The following STAT3 variants were observed in gnomAD, a reference collection of about 807,000 sequenced individuals.
STAT3 encodes DNA-binding protein APRF.
In STAT3, 7 loss-of-function variants were observed where a neutral mutation model predicts 114.3. The ratio of observed to expected loss-of-function variants is 0.06; its 90% CI spans 0.03 to 0.11. STAT3 has a LOEUF of 0.11. Ranked by LOEUF, STAT3 falls within the 10% of genes least tolerant of loss-of-function variation. STAT3 has a pLI of 1.00. For missense variants in STAT3, 364 were observed against 960.9 expected (o/e 0.38, Z 8.21); for synonymous variants, 331 against 354.5 (o/e 0.93, Z 0.74).
Position 42,358,711 on chromosome 17 carries a change from G to A in STAT3, c.-23-10172C>T, listed in dbSNP as rs1207367244. ...TGGGCCTGGGTGCAAAACCCTGCCT[G>A]ACATTTATTAGCTATTTGTCTTTGG... On this transcript the variant is annotated intron_variant, in intron 1 of 23. Transcript: ENST00000264657. Among the ~76,000 whole-genome samples, 3 of 152,202 alleles carry A rather than the reference G, an allele frequency of 2.0e-5. No homozygotes were observed. In the South Asian group the frequency reaches 6.2e-4, roughly 32 times the overall value.
In STAT3 at chr17:42,337,886, T is replaced by G; in HGVS notation, c.551-29A>C. 6.5e-7 allele frequency: 1 copy of G among 1,532,254 alleles called. No homozygotes were observed. 94.9% of individuals were successfully genotyped at this position (1,532,254 alleles called of 1,614,324 possible). A position where few individuals can be genotyped will look rare whatever the true frequency, so the allele number is the denominator to read the frequency against. ...CGAAGGAAGAAAAAACTCCTTGACC[T>G]GAGGGAATACTCCTTGACCTGAGGG... On this transcript the variant is annotated intron_variant, in intron 6 of 23. Coordinates refer to ENST00000264657, the MANE Select transcript of STAT3 (RefSeq NM_139276.3). This position sits in a 1 kb window ranked among gnomAD's most constrained non-coding sequence, Gnocchi z 4.0.
intron 10 of STAT3, among the ~76,000 whole-genome samples, chr17:42,331,978 AG>A (rs1353519034): frequency 2.0e-5 from 3 of 150,348 alleles, no homozygotes; most frequent in African/African-American, 7.4e-5. Flanking sequence ...CCCAGGCTGG[AG>A]TGCAATGGCG....
intron 8 of STAT3, among the ~76,000 whole-genome samples, chr17:42,335,700 C>T (rs887914140): frequency 3.1e-4 from 47 of 152,004 alleles, no homozygotes; most frequent in Non-Finnish European, 1.2e-4. Context: ...GGTCGATCTA[C>T]TAAAATACAA....
rs2144730644 is a variant in STAT3 at position 42,326,212 on chromosome 17, G to A, written c.1282-13C>T. The A allele has an allele frequency of 6.2e-7, 1 of 1,612,766 alleles. No homozygotes were observed. The highest frequency in any genetic ancestry group is 1.1e-5 in the South Asian group (1 of 91,074). Reference sequence around the variant, plus strand: ...CAATCAGGGAAGCCTACAGTAACGAGAAGGACACTCTTAGGCCAGGTGTGG... The same window carrying A: ...CAATCAGGGAAGCCTACAGTAACGAAAAGGACACTCTTAGGCCAGGTGTGG... On this transcript the variant is annotated splice_polypyrimidine_tract_variant and intron_variant, in intron 14 of 23. Coordinates refer to ENST00000264657, the MANE Select transcript of STAT3 (RefSeq NM_139276.3).
chr17:42,370,251 CT>C (rs34393906), intron 1 of STAT3, among the ~76,000 whole-genome samples: 164 of 138,982 alleles, frequency 1.2e-3, no homozygotes, highest in Middle Eastern at 4.0e-3. Context: ...CACACCCAGC[CT>C]TTTTTTTTTT....
At chr17:42,334,090 T>C (rs759695759) in intron 8 of STAT3, 41 bp from the exon 9 acceptor site, 3 of 1,610,962 alleles carry the variant, frequency 1.9e-6, no homozygotes, top group Non-Finnish European at 2.5e-6. Context: ...CCAAAGTGAA[T>C]GTATACAGGT....
chr17:42,333,213 C>T lies in STAT3; in HGVS notation c.1049+460G>A, dbSNP rs9890635. Among the ~76,000 whole-genome samples the T allele has an allele frequency of 0.073, 11,134 of 152,002 alleles. 1,369 individuals carry two copies. The highest frequency in any genetic ancestry group is 0.25 in the African/African-American group (10,537 of 41,400). On this transcript the variant is annotated intron_variant, in intron 10 of 23. Coordinates refer to ENST00000264657, the MANE Select transcript of STAT3 (RefSeq NM_139276.3). The surrounding 1 kb of genome is among the most constrained non-coding windows in gnomAD (Gnocchi z 5.2). Reference sequence around the variant, plus strand: ...TAAGTTTCTGAGGAGGGAAATTTTGCTGCAGAAGGTCAAAACCCCAGCACA... The same window carrying T: ...TAAGTTTCTGAGGAGGGAAATTTTGTTGCAGAAGGTCAAAACCCCAGCACA...
chr17:42,336,265 G>C (rs1029782159), intron 8 of STAT3, among the ~76,000 whole-genome samples: 2 of 152,094 alleles, frequency 1.3e-5, no homozygotes, highest in Non-Finnish European at 2.9e-5. Context: ...AGATATGCTG[G>C]ATGAAGGTAA....
rs1298247744 is a variant in STAT3 at position 42,313,824 on chromosome 17, GAAGT to G, written c.*1917_*1920del. 3 of 232,892 alleles carry G rather than the reference GAAGT, an allele frequency of 1.3e-5. No individual in the cohort carries two copies. The highest frequency in any genetic ancestry group is 2.6e-5 in the Non-Finnish European group (3 of 117,578). The allele number at this position is 232,892 out of a possible 1,614,324, so 14.4% of individuals were successfully genotyped here. ...TTATGTACTGAAGAGTGTTGCTGGA[GAAGT>G]AAGAGCTCTGCATGACACATCAACT... On this transcript the variant is annotated 3_prime_UTR_variant, in exon 24 of 24. Coordinates refer to ENST00000264657, the MANE Select transcript of STAT3 (RefSeq NM_139276.3).
chr17:42,339,552 C>G, intron 4 of STAT3, 143 bp from the exon 5 acceptor site: 1 of 790,480 alleles, frequency 1.3e-6, no homozygotes, highest in South Asian at 1.5e-5. Flanking sequence ...GAAACAGAGG[C>G]AGTGGTGCTG....
intron 11 of STAT3, among the ~76,000 whole-genome samples, chr17:42,330,647 T>C (rs1256197192): frequency 2.6e-5 from 4 of 151,232 alleles, no homozygotes; most frequent in Non-Finnish European, 5.9e-5. Context: ...CCCAGGATGG[T>C]CTCGATCTCC....
In STAT3 at chr17:42,329,579, C is replaced by G. The variant is rs2144772770; in HGVS notation, c.1208G>C (p.Ser403Thr). The G allele has an allele frequency of 6.2e-7, 1 of 1,614,248 alleles. No homozygotes were observed. The highest frequency in any genetic ancestry group is 8.5e-7 in the Non-Finnish European group (1 of 1,180,048). ...CAAGTGTTTGAATTCTGCAGAGAGG[C>G]TGCCGTTGTTGGATTCTTCCATGTT... is the stretch of plus-strand genomic sequence containing the variant. ...VMNMEESNNG[S>T]LSAEFKHLTL... Residue 403 changes from serine to threonine, a missense_variant, in exon 13 of 24, where the codon AGC becomes ACC. Transcript: ENST00000264657.
chr17:42,345,060 G>A (rs913776719), intron 4 of STAT3, among the ~76,000 whole-genome samples: 1 of 151,680 alleles, frequency 6.6e-6, no homozygotes. Context: ...GAGGTCAGGA[G>A]TTCGAGACCA....
chr17:42,371,005 G>T (rs1407443484), intron 1 of STAT3, among the ~76,000 whole-genome samples: 1 of 152,154 alleles, frequency 6.6e-6, no homozygotes, highest in Non-Finnish European at 1.5e-5. Flanking sequence ...CAAAAGTCAG[G>T]ATGAGTCAAG....
In STAT3 at chr17:42,364,229, A is replaced by G. The variant is rs79277376; in HGVS notation, c.-23-15690T>C. Among the ~76,000 whole-genome samples, 612 of 152,288 alleles carry G rather than the reference A, an allele frequency of 4.0e-3. 4 individuals carry two copies. Among genetic ancestry groups the G allele is most frequent in the African/African-American group, 0.013 (545 of 41,568 alleles). ...CAACTGCATCCTGAAAGATCAGCCTATATATAGGTTTGGTTATCTTGAATT... is the reference window on the plus strand; with the variant it reads ...CAACTGCATCCTGAAAGATCAGCCTGTATATAGGTTTGGTTATCTTGAATT... On this transcript the variant is annotated intron_variant, in intron 1 of 23. Transcript: ENST00000264657.
chr17:42,364,951 G>A (rs1057078240), intron 1 of STAT3, among the ~76,000 whole-genome samples: 6 of 152,148 alleles, frequency 3.9e-5, no homozygotes, highest in Non-Finnish European at 8.8e-5. Context: ...CAATATACCT[G>A]GGGCTGACGA....
At chr17:42,319,043 C>T (rs1435359467) in intron 21 of STAT3, among the ~76,000 whole-genome samples, 1 of 152,062 alleles carries the variant, frequency 6.6e-6, no homozygotes, top group Admixed American at 6.6e-5. Context: ...GAGTTCAAGA[C>T]CAGCCTCACC....
intron 1 of STAT3, among the ~76,000 whole-genome samples, chr17:42,364,568 G>GATA (rs141595465): frequency 0.013 from 2,042 of 152,292 alleles, 17 homozygotes; most frequent in Non-Finnish European, 0.021. Context: ...AAATAAAGCA[G>GATA]ATAAAGAGAA....
rs2081150991 is a variant in STAT3, at chr17:42,313,564, G to A, written c.*2181C>T. On this transcript the variant is annotated 3_prime_UTR_variant, in exon 24 of 24. Coordinates refer to ENST00000264657, the MANE Select transcript of STAT3 (RefSeq NM_139276.3). ...GGGATGGGGAGGGGGCAGTGGACAGGAAGCGGGCAGGGCCTGAGGACCCTG... is the reference window on the plus strand; with the variant it reads ...GGGATGGGGAGGGGGCAGTGGACAGAAAGCGGGCAGGGCCTGAGGACCCTG... 1 of 231,222 alleles carries A rather than the reference G, an allele frequency of 4.3e-6. No individual in the cohort carries two copies. Among genetic ancestry groups the A allele is most frequent in the Admixed American group, 5.7e-5 (1 of 17,690 alleles). The allele number at this position is 231,222 out of a possible 1,614,324, so 14.3% of individuals were successfully genotyped here.
Sources: gnomAD v4.1 joint callset for allele counts (sites outside exome capture counted in the v4.1 genomes callset) on GRCh38, gnomAD v4.1.1 for gene constraint, Gnocchi (gnomAD v3.1) non-coding constraint, MANE v1.5 for transcripts, NCBI Gene and HGNC (gene_info 2026-07-23, HGNC 2026-07-21) for gene names.